The following CDH4 variants were observed in gnomAD, a reference collection of about 807,000 sequenced individuals.
CDH4 encodes the protein cadherin 4.
CDH4 carries 33 observed loss-of-function variants against 86.0 expected under a neutral mutation model. The ratio of observed to expected loss-of-function variants is 0.38; its 90% CI spans 0.29 to 0.51. The LOEUF is 0.51. Among genes scored for constraint, CDH4 ranks in the 20% least tolerant of loss-of-function variants. The pLI, the probability that CDH4 is intolerant of heterozygous loss-of-function variation, is 0.86. For missense variants in CDH4, 1,114 were observed against 1,307.4 expected (o/e 0.85, Z 2.28); for synonymous variants, 555 against 549.4 (o/e 1.01, Z -0.14).
chr20:61,412,223 C>T (rs557235136), intron 2 of CDH4, among the ~76,000 whole-genome samples: 1 of 152,318 alleles, frequency 6.6e-6, no homozygotes, highest in Admixed American at 6.5e-5. Flanking sequence ...TCAGCAAACA[C>T]TCTAGCAAGA....
At chr20:61,824,157 A>T (rs1173315135) in intron 4 of CDH4, among the ~76,000 whole-genome samples, 1 of 152,058 alleles carries the variant, frequency 6.6e-6, no homozygotes, top group Non-Finnish European at 1.5e-5. Flanking sequence ...CCCACTTTCT[A>T]TTGGAGCATA....
intron 3 of CDH4, among the ~76,000 whole-genome samples, chr20:61,765,594 C>T (rs1002111989): frequency 3.3e-5 from 5 of 152,124 alleles, no homozygotes; most frequent in South Asian, 2.1e-4. Flanking sequence ...AGGAGGAGGA[C>T]GGTGTCTCCA....
chr20:61,923,865 CCT>C (rs1290583225), intron 10 of CDH4, among the ~76,000 whole-genome samples, 161 bp downstream of exon 10: 1 of 152,202 alleles, frequency 6.6e-6, no homozygotes, highest in Non-Finnish European at 1.5e-5. Context: ...AGCCGCAGCC[CCT>C]TAGTCCCAGA....
chr20:61,540,320 C>T (rs1338142782), intron 2 of CDH4, among the ~76,000 whole-genome samples: 1 of 152,176 alleles, frequency 6.6e-6, no homozygotes. Flanking sequence ...TATCCTTTGA[C>T]ATGGTTCTTG....
At chr20:61,399,076 T>C (rs11204440) in intron 2 of CDH4, among the ~76,000 whole-genome samples, 66,711 of 145,534 alleles carry the variant, frequency 0.46, 16,696 homozygotes, top group African/African-American at 0.56. Context: ...AGCCTAGGCC[T>C]ACCACTCAGA....
chr20:61,258,982 T>C (rs2084115574), intron 2 of CDH4, among the ~76,000 whole-genome samples: 1 of 152,194 alleles, frequency 6.6e-6, no homozygotes, highest in African/African-American at 2.4e-5. Context: ...GAGAATTGCA[T>C]TGTCATGTGT....
chr20:61,503,261 C>G (rs377446048), intron 2 of CDH4, among the ~76,000 whole-genome samples: 1 of 152,114 alleles, frequency 6.6e-6, no homozygotes, highest in African/African-American at 2.4e-5. Context: ...GAAATGTGTC[C>G]GTTCATAGTT....
Position 61,623,557 on chromosome 20 carries a change from G to T in CDH4, c.170-120006G>T, listed in dbSNP as rs1164427937. Among the ~76,000 whole-genome samples the T allele has an allele frequency of 1.3e-5, 2 of 152,096 alleles. No homozygotes were observed. Among genetic ancestry groups the T allele is most frequent in the Admixed American group, 6.5e-5 (1 of 15,270 alleles). On this transcript the variant is annotated intron_variant, in intron 2 of 15. Coordinates refer to ENST00000614565, the MANE Select transcript of CDH4 (RefSeq NM_001794.5). This position sits in a 1 kb window ranked among gnomAD's most constrained non-coding sequence, Gnocchi z 4.4. ...TAATCAAACCATATCAAGAGAGCCC[G>T]CAGGGTCATCAAGAGCTAGACCCAG...
intron 2 of CDH4, among the ~76,000 whole-genome samples, chr20:61,566,852 G>GT (rs1489192849): frequency 1.3e-5 from 2 of 152,064 alleles, no homozygotes; most frequent in Non-Finnish European, 2.9e-5. Flanking sequence ...GGAGTTCTGG[G>GT]TTTGCGCGGG....
intron 9 of CDH4, among the ~76,000 whole-genome samples, chr20:61,920,746 G>T (rs2054970295): frequency 6.7e-6 from 1 of 150,064 alleles, no homozygotes. Flanking sequence ...TGTGGTGATT[G>T]CATGGAAGCA....
chr20:61,655,345 A>G (rs977663758), intron 2 of CDH4, among the ~76,000 whole-genome samples: 1 of 152,130 alleles, frequency 6.6e-6, no homozygotes, highest in African/African-American at 2.4e-5. Context: ...AAGTATGTAA[A>G]TATCATTTTT....
intron 4 of CDH4, among the ~76,000 whole-genome samples, chr20:61,806,685 G>A (rs991141294): frequency 6.6e-6 from 1 of 152,210 alleles, no homozygotes; most frequent in Non-Finnish European, 1.5e-5. Flanking sequence ...TTTCCCTTGG[G>A]GCTGTTTAAT....
chr20:61,310,894 G>A (rs1330156755), intron 2 of CDH4, among the ~76,000 whole-genome samples: 1 of 152,116 alleles, frequency 6.6e-6, no homozygotes, highest in Non-Finnish European at 1.5e-5. Context: ...ACCTCATTTT[G>A]CCTTAATCAC....
chr20:61,432,945 TCTC>T (rs1323394512), intron 2 of CDH4, among the ~76,000 whole-genome samples: 1 of 151,110 alleles, frequency 6.6e-6, no homozygotes, highest in Non-Finnish European at 1.5e-5. Context: ...TTCCAGCAAT[TCTC>T]CTGCCTCAGC....
chr20:61,651,053 G>A (rs1365833160), intron 2 of CDH4, among the ~76,000 whole-genome samples: 1 of 152,182 alleles, frequency 6.6e-6, no homozygotes, highest in Non-Finnish European at 1.5e-5. Flanking sequence ...TGGTGTGCTT[G>A]TGTGAGTGAG....
At chr20:61,620,698 C>G (rs534705705) in intron 2 of CDH4, among the ~76,000 whole-genome samples, 7 of 152,310 alleles carry the variant, frequency 4.6e-5, no homozygotes, top group African/African-American at 1.7e-4. Flanking sequence ...TTAATTGAAA[C>G]CAACATCTTT....
chr20:61,556,115 G>C (rs991665309), intron 2 of CDH4, among the ~76,000 whole-genome samples: 1 of 152,180 alleles, frequency 6.6e-6, no homozygotes, highest in Non-Finnish European at 1.5e-5. Flanking sequence ...CAGAGCAGCC[G>C]TGACCACAGA....
At chr20:61,258,947 A>G (rs960979808) in intron 2 of CDH4, among the ~76,000 whole-genome samples, 1 of 152,208 alleles carries the variant, frequency 6.6e-6, no homozygotes, top group African/African-American at 2.4e-5. Flanking sequence ...AGCTAAACTG[A>G]TGGGGGTGGA....
chr20:61,267,759 A>G (rs1385736365), intron 2 of CDH4, among the ~76,000 whole-genome samples: 1 of 152,156 alleles, frequency 6.6e-6, no homozygotes, highest in Non-Finnish European at 1.5e-5. Context: ...TCTGCTGATG[A>G]GATGTGGAGG....
Sources: gnomAD v4.1 joint callset for allele counts (sites outside exome capture counted in the v4.1 genomes callset) on GRCh38, gnomAD v4.1.1 for gene constraint, Gnocchi (gnomAD v3.1) non-coding constraint, MANE v1.5 for transcripts, NCBI Gene and HGNC (gene_info 2026-07-23, HGNC 2026-07-21) for gene names.